CARNMT1: variants seen among roughly 807,000 people sequenced by gnomAD.
CARNMT1 encodes the protein protein-L-histidine N-pros-methyltransferase CARNMT1.
In CARNMT1, 28 loss-of-function variants were observed where a neutral mutation model predicts 49.6. The ratio of observed to expected loss-of-function variants is 0.56; its 90% CI spans 0.42 to 0.77. CARNMT1 has a LOEUF of 0.77. Ranked by LOEUF, CARNMT1 falls within the 30% of genes least tolerant of loss-of-function variation. The pLI is 0.00. For synonymous variants in CARNMT1, 178 were observed against 175.0 expected, an observed-to-expected ratio of 1.02 and a Z score of -0.13; for missense variants, 421 against 512.6, an observed-to-expected ratio of 0.82 and a Z score of 1.73.
intron 3 of CARNMT1, among the ~76,000 whole-genome samples, chr9:75,005,958 A>G (rs1296525651): frequency 3.3e-5 from 5 of 152,156 alleles, no homozygotes; most frequent in African/African-American, 9.7e-5. Context: ...ACTGTGGCAT[A>G]AACAGAGTCC....
At chr9:74,996,884 A>G (rs896722057) in intron 5 of CARNMT1, among the ~76,000 whole-genome samples, 1 of 152,200 alleles carries the variant, frequency 6.6e-6, no homozygotes, top group Non-Finnish European at 1.5e-5. Context: ...CTTCATTTAA[A>G]ATCACTTAAA....
At chr9:75,019,387 T>A (rs1245734159) in intron 1 of CARNMT1, among the ~76,000 whole-genome samples, 2 of 152,230 alleles carry the variant, frequency 1.3e-5, no homozygotes, top group East Asian at 3.8e-4. Context: ...CGGATTTCAA[T>A]GGCCCCACAA....
intron 6 of CARNMT1, among the ~76,000 whole-genome samples, chr9:74,987,801 T>TAAAAAAAAAA (rs571992743): frequency 6.8e-6 from 1 of 147,994 alleles, no homozygotes; most frequent in African/African-American, 2.5e-5. Flanking sequence ...AAATCCAACT[T>TAAAAAAAAAA]AAAAAAAAAA....
At chr9:75,010,154 G>C (rs1470771122) in intron 3 of CARNMT1, 1 of 127,692 alleles carries the variant, frequency 7.8e-6, no homozygotes, top group African/African-American at 3.0e-5. Context: ...CTGAGACGGA[G>C]TTTCGCTCTT....
chr9:74,998,331 T>G (rs148376822), intron 5 of CARNMT1, among the ~76,000 whole-genome samples: 6 of 152,308 alleles, frequency 3.9e-5, no homozygotes, highest in Admixed American at 3.9e-4. Context: ...TTTTTGGTAT[T>G]CATTACTCAT....
At position 74,982,547 on chromosome 9, in the gene CARNMT1, A is replaced by C. The variant is rs1351878345; in HGVS notation, c.*1220T>G. On this transcript the variant is annotated 3_prime_UTR_variant, in exon 8 of 8. Transcript: ENST00000376834. ...ACAAAATTGGTATTAATCTGAAATT[A>C]CATGATGGCTGCTGCTTACAATATT... is the stretch of plus-strand genomic sequence containing the variant. The C allele has an allele frequency of 6.6e-6, 1 of 152,220 alleles. No homozygotes were observed. The highest frequency in any genetic ancestry group is 1.9e-4 in the East Asian group (1 of 5,198). The allele number at this position is 152,220 out of a possible 1,614,324, so 9.4% of individuals were successfully genotyped here.
rs78278283 is a variant in CARNMT1, at chr9:75,022,704, C to T, written c.231-5256G>A. Among the ~76,000 whole-genome samples, 402 of 152,258 alleles carry T rather than the reference C, an allele frequency of 2.6e-3. 3 individuals are homozygous for T. Among genetic ancestry groups the T allele is most frequent in the African/African-American group, 8.3e-3 (344 of 41,538 alleles). Reference sequence around the variant, plus strand: ...GAGCTTTCTTCCTAGTGTTTACTCCCGGGCTCTGGATGCCCCACAACTTCC... The same window carrying T: ...GAGCTTTCTTCCTAGTGTTTACTCCTGGGCTCTGGATGCCCCACAACTTCC... On this transcript the variant is annotated intron_variant, in intron 1 of 7. Transcript: ENST00000376834.
Position 74,998,678 on chromosome 9 carries a change from T to C in CARNMT1, c.830A>G (p.Asp277Gly). 6.2e-7 allele frequency: 1 copy of C among 1,609,088 alleles called. No individual in the cohort carries two copies. Residue 277 changes from aspartate to glycine, a missense_variant, in exon 5 of 8, where the codon GAT becomes GGT. Asp to Gly is a moderately conservative substitution (Grantham distance 94, BLOSUM62 -1). Around this residue, in one of 2 missense-constraint regions of CARNMT1, gnomAD observed 235 missense variants for 344.8 expected, o/e 0.68. Transcript: ENST00000376834. ...AGGAGGAAGACTGTGGGGGTCAACATCAGGGAAAAAGATGGGTCGAATCTG... is the reference window on the plus strand; with the variant it reads ...AGGAGGAAGACTGTGGGGGTCAACACCAGGGAAAAAGATGGGTCGAATCTG... The part of the protein sequence containing the change: ...ADQIRPIFFP[D>G]VDPHSLPPGS...
rs760073875 is a variant in CARNMT1 at position 74,983,793 on chromosome 9, A to G, written c.1204T>C (p.Leu402=). 1.2e-6 allele frequency: 2 copies of G among 1,608,160 alleles called. No individual in the cohort carries two copies. Among genetic ancestry groups the G allele is most frequent in the Non-Finnish European group, 1.7e-6 (2 of 1,176,760 alleles). Residue 402 remains leucine, a synonymous_variant, in exon 8 of 8, where the codon TTG becomes CTG. Transcript: ENST00000376834. ...TATTGTGGCTTACGGACCACAAACA[A>G]GACACATTCATAGTAGTATTTCATC... ...SMMKYYYECV[L]FVVRKPQ
intron 3 of CARNMT1, among the ~76,000 whole-genome samples, chr9:75,014,004 A>C (rs1833774344): frequency 6.9e-6 from 1 of 145,048 alleles, no homozygotes. Flanking sequence ...AAAAAAAAAA[A>C]CCACATCCAC....
At chr9:75,004,447 T>C (rs1037395824) in intron 3 of CARNMT1, among the ~76,000 whole-genome samples, 6 of 152,246 alleles carry the variant, frequency 3.9e-5, no homozygotes, top group Admixed American at 3.9e-4. Context: ...GTTTTTCTAC[T>C]GTGTTATTCT....
Position 75,028,189 on chromosome 9 carries a change from C to A in CARNMT1, c.53G>T (p.Cys18Phe). The A allele has an allele frequency of 6.6e-7, 1 of 1,505,378 alleles. No homozygotes were observed. The highest frequency in any genetic ancestry group is 8.9e-7 in the Non-Finnish European group (1 of 1,127,456). 93.3% of individuals were successfully genotyped at this position (1,505,378 alleles called of 1,614,324 possible). A position where few individuals can be genotyped will look rare whatever the true frequency, so the allele number is the denominator to read the frequency against. ...CTCGCTGCCACCGCCTCCTCCCCCGCAGCCCTCGGGCAGCCGGGAGGTGGG... is the reference window on the plus strand; with the variant it reads ...CTCGCTGCCACCGCCTCCTCCCCCGAAGCCCTCGGGCAGCCGGGAGGTGGG... ...PPPTSRLPEG[C>F]GGGGGGSEEV... The change falls in exon 1 of 8, where the codon TGC becomes TTC. Residue 18 changes from cysteine to phenylalanine, a missense_variant. Transcript: ENST00000376834.
At chr9:75,003,171 A>T (rs915948070) in intron 3 of CARNMT1, among the ~76,000 whole-genome samples, 10 of 152,182 alleles carry the variant, frequency 6.6e-5, no homozygotes, top group Admixed American at 2.0e-4. Flanking sequence ...ATCCCAGAAG[A>T]CTTTCTTTAG....
intron 6 of CARNMT1, among the ~76,000 whole-genome samples, chr9:74,988,114 G>A (rs923717530): frequency 2.0e-5 from 3 of 151,124 alleles, no homozygotes; most frequent in Admixed American, 6.6e-5. Flanking sequence ...ACAGTGTCTT[G>A]TTATATTACC....
chr9:74,987,229 G>A (rs1832871021), intron 6 of CARNMT1, among the ~76,000 whole-genome samples: 1 of 152,256 alleles, frequency 6.6e-6, no homozygotes, highest in East Asian at 1.9e-4. Flanking sequence ...CACCTTGCCA[G>A]TTTCTAAGTT....
Position 74,981,346 on chromosome 9 carries a change from T to TAAATGA in CARNMT1, c.*2415_*2420dup, listed in dbSNP as rs1321485710. 2 of 152,128 alleles carry TAAATGA rather than the reference T, an allele frequency of 1.3e-5. No individual in the cohort carries two copies. The highest frequency in any genetic ancestry group is 4.8e-5 in the African/African-American group (2 of 41,452). The allele number at this position is 152,128 out of a possible 1,614,324, so 9.4% of individuals were successfully genotyped here. On this transcript the variant is annotated 3_prime_UTR_variant, in exon 8 of 8. Transcript: ENST00000376834. ...GACTATCTCCTCCCATTTCATAAAGTAAATGAAAATGTTTGTGTATAAAGC... is the reference window on the plus strand; with the variant it reads ...GACTATCTCCTCCCATTTCATAAAGTAAATGAAAATGAAAATGTTTGTGTATAAAGC...
chr9:74,987,109 A>G (rs1378497206), intron 6 of CARNMT1, among the ~76,000 whole-genome samples: 1 of 152,236 alleles, frequency 6.6e-6, no homozygotes, highest in Non-Finnish European at 1.5e-5. Flanking sequence ...CAGAATGCCA[A>G]AAATGCTTTC....
intron 3 of CARNMT1, among the ~76,000 whole-genome samples, chr9:75,013,750 T>C (rs1028111696): frequency 5.9e-5 from 9 of 152,064 alleles, no homozygotes; most frequent in African/African-American, 2.2e-4. Flanking sequence ...ATGCCTGTAA[T>C]CCCAATATTT....
At chr9:75,015,301 C>T (rs1468614263) in intron 3 of CARNMT1, among the ~76,000 whole-genome samples, 1 of 152,090 alleles carries the variant, frequency 6.6e-6, no homozygotes, top group Non-Finnish European at 1.5e-5. Flanking sequence ...CTGAAGTTCT[C>T]AAAACAGTGT....
Sources: gnomAD v4.1 joint callset for allele counts (sites outside exome capture counted in the v4.1 genomes callset) on GRCh38, gnomAD v4.1.1 for gene constraint, gnomAD v4.1.1 regional missense constraint, MANE v1.5 for transcripts, NCBI Gene and HGNC (gene_info 2026-07-23, HGNC 2026-07-21) for gene names.